The following NDUFA10 variants were observed in gnomAD, a reference collection of about 807,000 sequenced individuals.
NDUFA10 encodes NADH:ubiquinone oxidoreductase subunit A10.
NDUFA10 carries 40 observed loss-of-function variants against 47.8 expected under a neutral mutation model. The observed-to-expected ratio is 0.84, with a 90% confidence interval of 0.65 to 1.09. NDUFA10 has a LOEUF of 1.09. Among genes scored for constraint, NDUFA10 ranks in the 50% least tolerant of loss-of-function variants. The pLI is 0.00. For synonymous variants in NDUFA10, 183 were observed against 172.2 expected (o/e 1.06, Z -0.49); for missense variants, 413 against 451.1 (o/e 0.92, Z 0.76).
At position 239,899,061 on chromosome 2, in the gene NDUFA10, A is replaced by ATGGAGGAGTG. The variant is rs757822964; in HGVS notation, c.295-3748_295-3747insCACTCCTCCA. Among the ~76,000 whole-genome samples, 660 of 31,152 alleles carry ATGGAGGAGTG rather than the reference A, an allele frequency of 0.021. 236 individuals carry two copies. The East Asian group carries it at 0.25, about 12-fold the overall frequency. The allele number at this position is 31,152 out of a possible 152,430, so 20.4% of individuals were successfully genotyped here. A position where few individuals can be genotyped will look rare whatever the true frequency, so the allele number is the denominator to read the frequency against. ...AGGAGGGGTGTGATGGAGGAGTGTGATGGAGGGGTGTGATGGAGGAGTGTG... is the reference window on the plus strand; with the variant it reads ...AGGAGGGGTGTGATGGAGGAGTGTGATGGAGGAGTGTGGAGGGGTGTGATGGAGGAGTGTG... On this transcript the variant is annotated intron_variant, in intron 4 of 5. Transcript: ENST00000419408.
chr2:239,934,782 G>A lies in NDUFA10; in HGVS notation c.295-39468C>T, dbSNP rs115937273. Among the ~76,000 whole-genome samples the A allele has an allele frequency of 3.6e-3, 549 of 152,292 alleles. 4 individuals carry two copies. The highest frequency in any genetic ancestry group is 0.012 in the African/African-American group (517 of 41,554). On this transcript the variant is annotated intron_variant, in intron 4 of 5. Coordinates refer to the NDUFA10 transcript ENST00000419408. The stretch of plus-strand genomic sequence containing the variant: ...ACCTCCGTGCAGCATCAATCACTTC[G>A]TTCCTTTCTCTGGCTCTCTCTGTCC...
chr2:240,023,845 T>G (rs2106507755), intron 1 of NDUFA10, among the ~76,000 whole-genome samples: 1 of 152,296 alleles, frequency 6.6e-6, no homozygotes, highest in East Asian at 1.9e-4. Flanking sequence ...TGTAAACACC[T>G]CTCGCAAATG....
At position 240,024,279 on chromosome 2, in the gene NDUFA10, A is replaced by G. The variant is rs149068992; in HGVS notation, c.75+948T>C. The stretch of plus-strand genomic sequence containing the variant: ...ACATCCATGCAATGAGATATTACTC[A>G]GTGATTAAAAAGAAATGAGTTACCA... On this transcript the variant is annotated intron_variant, in intron 1 of 9. Coordinates refer to ENST00000252711, the MANE Select transcript of NDUFA10 (RefSeq NM_004544.4). Among the ~76,000 whole-genome samples the G allele has an allele frequency of 1.4e-3, 209 of 152,368 alleles. 3 individuals carry two copies. In the East Asian group the frequency reaches 0.027, roughly 20 times the overall value.
chr2:239,932,972 G>T (rs1420595926), intron 4 of NDUFA10, among the ~76,000 whole-genome samples: 5 of 152,184 alleles, frequency 3.3e-5, no homozygotes, highest in Non-Finnish European at 5.9e-5. Context: ...CACCGTACAC[G>T]CTAGAAGCAG....
chr2:240,021,687 T>C (rs1697629979), intron 2 of NDUFA10, among the ~76,000 whole-genome samples: 2 of 152,300 alleles, frequency 1.3e-5, no homozygotes, highest in South Asian at 2.1e-4. Flanking sequence ...GAGCCCCCTC[T>C]AGCGGGCAGC....
At chr2:239,892,983 G>C (rs1206366162) in intron 5 of NDUFA10, among the ~76,000 whole-genome samples, 1 of 152,242 alleles carries the variant, frequency 6.6e-6, no homozygotes, top group Non-Finnish European at 1.5e-5. Flanking sequence ...CGAGGGCAGA[G>C]AGCCTGGCCC....
chr2:239,964,710 G>A (rs1409870844), intron 9 of NDUFA10, among the ~76,000 whole-genome samples: 1 of 152,180 alleles, frequency 6.6e-6, no homozygotes, highest in Admixed American at 6.5e-5. Flanking sequence ...TGCCGGCGAG[G>A]ACACCTCCAG....
chr2:239,952,544 C>G (rs956901175), downstream of NDUFA10, among the ~76,000 whole-genome samples: 2 of 152,196 alleles, frequency 1.3e-5, no homozygotes, highest in Non-Finnish European at 2.9e-5. Flanking sequence ...CTTCCAGGTA[C>G]CCCTGTAGGG....
At chr2:239,939,758 C>T (rs192736707) in intron 4 of NDUFA10, among the ~76,000 whole-genome samples, 4 of 152,334 alleles carry the variant, frequency 2.6e-5, no homozygotes, top group South Asian at 2.1e-4. Flanking sequence ...ACCAGGCACA[C>T]GGAAACAGGG....
intron 4 of NDUFA10, among the ~76,000 whole-genome samples, chr2:239,912,905 G>A (rs919412844): frequency 6.6e-5 from 10 of 152,178 alleles, no homozygotes; most frequent in Admixed American, 2.0e-4. Context: ...TCCGATTCCC[G>A]AGTCTTTCCA....
rs1399621111 is a variant in NDUFA10 at position 239,977,426 on chromosome 2, A to G, written c.999+12648T>C. Among the ~76,000 whole-genome samples the G allele has an allele frequency of 3.3e-5, 5 of 152,148 alleles. No individual in the cohort carries two copies. In the South Asian group the frequency reaches 1.0e-3, roughly 32 times the overall value. ...CCCATTTAAGGGTGCAGTTGATGGGAAAGAGCAGGCTTCCCAGACACCTAG... is the reference window on the plus strand; with the variant it reads ...CCCATTTAAGGGTGCAGTTGATGGGGAAGAGCAGGCTTCCCAGACACCTAG... On this transcript the variant is annotated intron_variant, in intron 9 of 9. Transcript: ENST00000252711.
chr2:239,904,554 C>G lies in NDUFA10; in HGVS notation c.295-9240G>C, dbSNP rs111958716. On this transcript the variant is annotated intron_variant, in intron 4 of 5. Coordinates refer to the NDUFA10 transcript ENST00000419408. ...AAGCGATCTGCCTGTGTCAGCCTCC[C>G]AAAGTGCTGGGATTACAGCTGTCAG... 3.9e-3 allele frequency among the ~76,000 whole-genome samples: 590 copies of G among 152,298 alleles called. 4 individuals carry two copies. The highest frequency in any genetic ancestry group is 0.013 in the African/African-American group (558 of 41,566).
chr2:240,014,966 G>C, intron 4 of NDUFA10, 106 bp from the exon 5 acceptor site: 1 of 1,483,538 alleles, frequency 6.7e-7, no homozygotes, highest in Non-Finnish European at 9.3e-7. Context: ...AATTCTCAAA[G>C]CCACGTACCA....
At chr2:240,012,819 G>A (rs978106377) in intron 5 of NDUFA10, 1 of 152,220 alleles carries the variant, frequency 6.6e-6, no homozygotes, top group Non-Finnish European at 1.5e-5. Flanking sequence ...GTAATTGGGA[G>A]TTCTATTTTC....
chr2:239,911,147 CTA>C (rs1693746878), intron 4 of NDUFA10, among the ~76,000 whole-genome samples: 1 of 152,024 alleles, frequency 6.6e-6, no homozygotes, highest in African/African-American at 2.4e-5. Context: ...GGAATGGGTT[CTA>C]TGTGTCCTCC....
At chr2:239,982,855 G>T (rs1467573379) in intron 9 of NDUFA10, among the ~76,000 whole-genome samples, 1 of 152,204 alleles carries the variant, frequency 6.6e-6, no homozygotes, top group East Asian at 1.9e-4. Flanking sequence ...AGCAACAGTT[G>T]TTTTTTCCGC....
At position 240,021,298 on chromosome 2, in the gene NDUFA10, T is replaced by G. The variant is rs768615758; in HGVS notation, c.359A>C (p.Asp120Ala). The change falls in exon 3 of 10, where the codon GAT (aspartate) becomes GCT (alanine). Residue 120 changes from aspartate (D) to alanine (A), a missense_variant. By Grantham distance (126) the Asp-to-Ala change is moderately radical. Coordinates refer to ENST00000252711, the MANE Select transcript of NDUFA10 (RefSeq NM_004544.4). ...ACTGTTGCCATCATTGCTTCTCGGATCATCGTAAAATTTCTCCAAACTACA... is the reference window on the plus strand; with the variant it reads ...ACTGTTGCCATCATTGCTTCTCGGAGCATCGTAAAATTTCTCCAAACTACA... ...GNCSLEKFYD[D>A]PRSNDGNSYR... 6.2e-7 allele frequency: 1 copy of G among 1,614,174 alleles called. No individual in the cohort carries two copies. The highest frequency in any genetic ancestry group is 1.1e-5 in the South Asian group (1 of 91,088).
chr2:240,024,242 ATGAAT>A (rs1357348522), intron 1 of NDUFA10, among the ~76,000 whole-genome samples: 27 of 152,384 alleles, frequency 1.8e-4, no homozygotes, highest in South Asian at 6.2e-4. Flanking sequence ...CAATTGCTGA[ATGAAT>A]TGAAGTACAT....
chr2:239,961,574 TCAC>T (rs1196967645), intron 9 of NDUFA10, among the ~76,000 whole-genome samples: 1 of 152,126 alleles, frequency 6.6e-6, no homozygotes, highest in Non-Finnish European at 1.5e-5. Context: ...GAACCACAGT[TCAC>T]CAACTGAAAC....
Sources: gnomAD v4.1 joint callset for allele counts (sites outside exome capture counted in the v4.1 genomes callset) on GRCh38, gnomAD v4.1.1 for gene constraint, MANE v1.5 for transcripts, NCBI Gene and HGNC (gene_info 2026-07-23, HGNC 2026-07-21) for gene names.